Variants in CNTNAP4 observed in about 807,000 individuals in gnomAD.
CNTNAP4 encodes the protein contactin-associated protein-like 4.
Under a neutral mutation model 148.4 loss-of-function variants are expected in CNTNAP4, and 98 were observed. The observed-to-expected ratio is 0.66, with a 90% CI of 0.56 to 0.78. The LOEUF is 0.78. Among genes scored for constraint, CNTNAP4 ranks in the 30% least tolerant of loss-of-function variants. The pLI is 0.00. For missense variants in CNTNAP4, 1,935 were observed against 1,565.6 expected, an observed-to-expected ratio of 1.24 and a Z score of -3.98; for synonymous variants, 730 against 565.1, an observed-to-expected ratio of 1.29 and a Z score of -4.14.
At chr16:76,361,237 T>C (rs1447778766) in intron 3 of CNTNAP4, among the ~76,000 whole-genome samples, 1 of 152,232 alleles carries the variant, frequency 6.6e-6, no homozygotes, top group Non-Finnish European at 1.5e-5. Context: ...AAGGCAGATC[T>C]GCAGGACTCA....
intron 13 of CNTNAP4, among the ~76,000 whole-genome samples, chr16:76,490,705 G>C (rs949066192): frequency 6.6e-6 from 1 of 152,068 alleles, no homozygotes; most frequent in Non-Finnish European, 1.5e-5. Context: ...AAGCTCTACC[G>C]CCTTTCTGTT....
intron 1 of CNTNAP4, chr16:76,309,853 T>C: frequency 1.4e-6 from 1 of 701,222 alleles, no homozygotes; most frequent in Non-Finnish European, 2.6e-6. Flanking sequence ...TGCTGCTTCC[T>C]CATTTTCTCT....
intron 21 of CNTNAP4, among the ~76,000 whole-genome samples, chr16:76,544,676 A>G (rs2084629497): frequency 6.6e-6 from 1 of 152,168 alleles, no homozygotes; most frequent in Non-Finnish European, 1.5e-5. Flanking sequence ...TAAGCTCTTG[A>G]GTTCTATTCC....
At chr16:76,551,304 A>C (rs2084941969) in intron 21 of CNTNAP4, among the ~76,000 whole-genome samples, 1 of 151,902 alleles carries the variant, frequency 6.6e-6, no homozygotes, top group Admixed American at 6.6e-5. Context: ...AGGCTGAGGC[A>C]GGAGAATTAC....
chr16:76,445,645 G>A (rs1045404564), intron 4 of CNTNAP4, among the ~76,000 whole-genome samples: 4 of 151,786 alleles, frequency 2.6e-5, no homozygotes, highest in Non-Finnish European at 5.9e-5. Context: ...AGGTGCCACA[G>A]AAGATACATA....
intron 23 of CNTNAP4, among the ~76,000 whole-genome samples, chr16:76,557,029 T>A (rs538212353): frequency 9.8e-4 from 149 of 152,324 alleles, no homozygotes; most frequent in African/African-American, 3.1e-3. Context: ...GGAGTCTTAG[T>A]TTTACCATAT....
chr16:76,538,995 A>C (rs1041370993), intron 19 of CNTNAP4, among the ~76,000 whole-genome samples: 1 of 152,078 alleles, frequency 6.6e-6, no homozygotes, highest in African/African-American at 2.4e-5. Flanking sequence ...TATCATTTCA[A>C]CTGATTCAAA....
intron 12 of CNTNAP4, among the ~76,000 whole-genome samples, chr16:76,484,139 C>A (rs2081938456): frequency 6.6e-6 from 1 of 150,562 alleles, no homozygotes. Context: ...GTAGTTAAGA[C>A]TAAACAATTC....
At chr16:76,467,707 G>C (rs939546299) in intron 10 of CNTNAP4, among the ~76,000 whole-genome samples, 184 bp downstream of exon 10, 1 of 152,122 alleles carries the variant, frequency 6.6e-6, no homozygotes, top group Non-Finnish European at 1.5e-5. Flanking sequence ...TATTTTAAAT[G>C]ACAACATTTG....
At chr16:76,430,335 G>A (rs74026781) in intron 4 of CNTNAP4, among the ~76,000 whole-genome samples, 3,286 of 152,214 alleles carry the variant, frequency 0.022, 114 homozygotes, top group African/African-American at 0.076. Flanking sequence ...AAGACATACA[G>A]CTTGCTCTGG....
intron 3 of CNTNAP4, among the ~76,000 whole-genome samples, chr16:76,420,936 A>G (rs1002926106): frequency 6.6e-6 from 1 of 152,154 alleles, no homozygotes; most frequent in African/African-American, 2.4e-5. Flanking sequence ...CTCAATAAAA[A>G]TTTAGTCTTC....
chr16:76,410,924 A>T (rs957182686), intron 3 of CNTNAP4, among the ~76,000 whole-genome samples: 2 of 151,544 alleles, frequency 1.3e-5, no homozygotes, highest in African/African-American at 4.8e-5. Context: ...GCTTCTATGA[A>T]AGTATAGGTT....
intron 1 of CNTNAP4, among the ~76,000 whole-genome samples, chr16:76,299,689 C>A (rs9934441): frequency 6.6e-6 from 1 of 152,036 alleles, no homozygotes; most frequent in Non-Finnish European, 1.5e-5. Context: ...TAAAGACACA[C>A]GCACAGGTAT....
intron 10 of CNTNAP4, 54 bp downstream of exon 10, chr16:76,467,577 A>T: frequency 7.2e-7 from 1 of 1,389,784 alleles, no homozygotes; most frequent in Non-Finnish European, 9.8e-7. Context: ...GCATCAGATT[A>T]AAATTTATGT....
At chr16:76,298,961 T>A (rs1232715417) in intron 1 of CNTNAP4, among the ~76,000 whole-genome samples, 3 of 152,150 alleles carry the variant, frequency 2.0e-5, no homozygotes, top group African/African-American at 7.2e-5. Context: ...TGGTAGGGAC[T>A]TCTAACTTCA....
At chr16:76,474,702 G>A (rs1476973577) in intron 10 of CNTNAP4, among the ~76,000 whole-genome samples, 1 of 151,958 alleles carries the variant, frequency 6.6e-6, no homozygotes, top group African/African-American at 2.4e-5. Context: ...ATCTGATTAG[G>A]GCTATTTGAG....
In CNTNAP4 at chr16:76,523,891, C is replaced by T. The variant is rs533597327; in HGVS notation, c.2755+1634C>T. 1.6e-4 allele frequency among the ~76,000 whole-genome samples: 25 copies of T among 152,266 alleles called. No homozygotes were observed. In the East Asian group the frequency reaches 4.8e-3, roughly 29 times the overall value. On this transcript the variant is annotated intron_variant, in intron 17 of 23. Coordinates refer to ENST00000611870, the MANE Select transcript of CNTNAP4 (RefSeq NM_033401.5). Reference sequence around the variant, plus strand: ...GCTGTGGTGAACTATGATCACGCTACTGCACTCCATCCTGGGTGACAGAGG... The same window carrying T: ...GCTGTGGTGAACTATGATCACGCTATTGCACTCCATCCTGGGTGACAGAGG...
intron 3 of CNTNAP4, among the ~76,000 whole-genome samples, chr16:76,379,061 G>A (rs2015709953): frequency 6.6e-6 from 1 of 152,138 alleles, no homozygotes; most frequent in East Asian, 1.9e-4. Flanking sequence ...GGGTTCATGT[G>A]ACCTTTAGGG....
At chr16:76,475,656 A>G (rs78010884) in intron 10 of CNTNAP4, among the ~76,000 whole-genome samples, 1 of 152,172 alleles carries the variant, frequency 6.6e-6, no homozygotes, top group South Asian at 2.1e-4. Context: ...TTCTGCCAAC[A>G]TATTGAATTC....
Sources: gnomAD v4.1 joint callset for allele counts (sites outside exome capture counted in the v4.1 genomes callset) on GRCh38, gnomAD v4.1.1 for gene constraint, MANE v1.5 for transcripts, NCBI Gene and HGNC (gene_info 2026-07-23, HGNC 2026-07-21) for gene names.